Variants in SGCD observed in about 807,000 individuals in gnomAD.
SGCD encodes the protein delta-sarcoglycan.
A neutral mutation model predicts 36.6 loss-of-function variants in SGCD; 18 were observed. The ratio of observed to expected loss-of-function variants is 0.49; its 90% CI spans 0.34 to 0.73. SGCD has a LOEUF of 0.73. Ranked by LOEUF, SGCD falls within the 30% of genes least tolerant of loss-of-function variation. The pLI, the probability that SGCD is intolerant of heterozygous loss-of-function variation, is 0.01. For missense variants in SGCD, 387 were observed against 346.7 expected (o/e 1.12, Z -0.92); for synonymous variants, 133 against 130.6 (o/e 1.02, Z -0.12).
At chr5:155,864,436 G>C in the SGCD span, among the ~76,000 whole-genome samples, 1 of 152,010 alleles carries the variant, frequency 6.6e-6, no homozygotes, top group Non-Finnish European at 1.5e-5. Context: ...GAGGCGGGGA[G>C]GTTGTTTAGG....
At chr5:156,524,094 CTATATATA>C (rs60414987) in intron 4 of SGCD, among the ~76,000 whole-genome samples, 495 of 40,282 alleles carry the variant, frequency 0.012, 4 homozygotes, top group East Asian at 0.023. Context: ...TGAGGTCTTA[CTATATATA>C]TATATATATA....
At chr5:156,081,863 GTGAT>G (rs1458499308) in intron 1 of SGCD, among the ~76,000 whole-genome samples, 1 of 152,188 alleles carries the variant, frequency 6.6e-6, no homozygotes, top group African/African-American at 2.4e-5. Flanking sequence ...AAATCACAGA[GTGAT>G]TGCCCCACTA....
intron 4 of SGCD, among the ~76,000 whole-genome samples, chr5:156,562,094 G>T (rs535114392): frequency 6.6e-6 from 1 of 152,172 alleles, no homozygotes; most frequent in Admixed American, 6.5e-5. Context: ...TAGCTACTTG[G>T]GAGACATTAA....
At chr5:155,781,816 C>T in the SGCD span, among the ~76,000 whole-genome samples, 2 of 151,954 alleles carry the variant, frequency 1.3e-5, no homozygotes, top group Non-Finnish European at 2.9e-5. Flanking sequence ...ACTACTTGAT[C>T]ATTAAGGTCA....
the SGCD span, among the ~76,000 whole-genome samples, chr5:155,778,345 A>C: frequency 6.6e-6 from 1 of 152,172 alleles, no homozygotes; most frequent in African/African-American, 2.4e-5. Flanking sequence ...TTACACTTAA[A>C]TTGTTTCCTA....
chr5:156,247,037 G>T (rs1765456786), intron 3 of SGCD, among the ~76,000 whole-genome samples: 1 of 152,156 alleles, frequency 6.6e-6, no homozygotes, highest in South Asian at 2.1e-4. Flanking sequence ...CTTTTCATTT[G>T]CAGCGCTTCT....
At chr5:156,642,847 A>G (rs901311233) in intron 6 of SGCD, among the ~76,000 whole-genome samples, 2 of 151,974 alleles carry the variant, frequency 1.3e-5, no homozygotes, top group Admixed American at 1.3e-4. Flanking sequence ...GCTCTTGACT[A>G]CTTCAGTTCT....
intron 3 of SGCD, among the ~76,000 whole-genome samples, chr5:156,457,753 T>C (rs1486715544): frequency 6.6e-6 from 1 of 152,214 alleles, no homozygotes; most frequent in East Asian, 1.9e-4. Flanking sequence ...CATGCCCTAC[T>C]TCACAGTTGG....
At chr5:156,279,412 A>G (rs1404382493) in intron 3 of SGCD, among the ~76,000 whole-genome samples, 1 of 152,186 alleles carries the variant, frequency 6.6e-6, no homozygotes. Context: ...TACCCAATAG[A>G]TACCTCCTCT....
intron 3 of SGCD, among the ~76,000 whole-genome samples, chr5:156,298,114 A>AT (rs1210163057): frequency 9.5e-4 from 143 of 151,142 alleles, no homozygotes; most frequent in East Asian, 3.9e-4. Flanking sequence ...ACAGGATCTT[A>AT]TTTTTTTTTA....
At chr5:156,628,144 C>A (rs76193874) in intron 6 of SGCD, among the ~76,000 whole-genome samples, 1,827 of 152,202 alleles carry the variant, frequency 0.012, 37 homozygotes, top group East Asian at 0.048. Context: ...GGAGGTGCCA[C>A]ACACTTTTAA....
intron 3 of SGCD, among the ~76,000 whole-genome samples, chr5:156,256,819 T>C (rs930203228): frequency 2.6e-5 from 4 of 152,298 alleles, no homozygotes; most frequent in East Asian, 1.9e-4. Context: ...TTTGCGATAA[T>C]TCTAACATGG....
At chr5:155,740,791 A>G in the SGCD span, among the ~76,000 whole-genome samples, 2 of 152,254 alleles carry the variant, frequency 1.3e-5, no homozygotes, top group African/African-American at 2.4e-5. Context: ...ATATTCATCC[A>G]GAAACAAGTG....
At chr5:156,032,206 A>G (rs1759362547) in intron 1 of SGCD, among the ~76,000 whole-genome samples, 1 of 151,874 alleles carries the variant, frequency 6.6e-6, no homozygotes, top group Non-Finnish European at 1.5e-5. Context: ...CTACAATATC[A>G]ATGTTAATGG....
At chr5:156,284,407 G>A (rs62383782) in intron 3 of SGCD, among the ~76,000 whole-genome samples, 5 of 152,018 alleles carry the variant, frequency 3.3e-5, no homozygotes, top group Non-Finnish European at 5.9e-5. Context: ...GATGAACATC[G>A]ATGCAAAAAT....
Position 155,885,472 on chromosome 5 carries a change from AT to A in SGCD, c.-282+15049del, listed in dbSNP as rs1435020122. Among the ~76,000 whole-genome samples, 10 of 113,920 alleles carry A rather than the reference AT, an allele frequency of 8.8e-5. 5 individuals are homozygous for A. Among genetic ancestry groups the A allele is most frequent in the Non-Finnish European group, 1.7e-4 (10 of 59,116 alleles). 74.7% of individuals were successfully genotyped at this position (113,920 alleles called of 152,430 possible). A position where few individuals can be genotyped will look rare whatever the true frequency, so the allele number is the denominator to read the frequency against. ...TATGTATCATCAAAGTAAAAAAAAA[AT>A]AGTAAAAATACAATACATACAGTCT... On this transcript the variant is annotated intron_variant, in intron 1 of 9. Coordinates refer to the SGCD transcript ENST00000517913.
At chr5:156,601,174 G>A (rs1761175638) in intron 6 of SGCD, among the ~76,000 whole-genome samples, 2 of 152,128 alleles carry the variant, frequency 1.3e-5, no homozygotes, top group Non-Finnish European at 2.9e-5. Context: ...TAACTTTGTT[G>A]CCTGTACTTT....
intron 2 of SGCD, among the ~76,000 whole-genome samples, chr5:156,336,025 C>T (rs1768334093): frequency 6.6e-6 from 1 of 152,216 alleles, no homozygotes; most frequent in Non-Finnish European, 1.5e-5. Context: ...CTAGGTTCTG[C>T]AGTGGTTACT....
At chr5:155,814,170 C>G in the SGCD span, among the ~76,000 whole-genome samples, 1 of 152,222 alleles carries the variant, frequency 6.6e-6, no homozygotes, top group East Asian at 1.9e-4. Context: ...TTGTTTCACT[C>G]TTTTCACATT....
Sources: gnomAD v4.1 joint callset for allele counts (sites outside exome capture counted in the v4.1 genomes callset) on GRCh38, gnomAD v4.1.1 for gene constraint, MANE v1.5 for transcripts, NCBI Gene and HGNC (gene_info 2026-07-23, HGNC 2026-07-21) for gene names.